WARS2: variants seen among roughly 807,000 people sequenced by gnomAD.
WARS2 encodes the protein tryptophanyl tRNA synthetase 2, mitochondrial, also known as tryptophan--tRNA ligase, mitochondrial.
Under a neutral mutation model 36.5 loss-of-function variants are expected in WARS2, and 28 were observed. The ratio of observed to expected loss-of-function variants is 0.77; its 90% confidence interval spans 0.57 to 1.05. WARS2 has a LOEUF of 1.05. WARS2 is among the 50% of genes least tolerant of loss of function. The pLI is 0.00. For synonymous variants in WARS2, 174 were observed against 178.4 expected (o/e 0.98, Z 0.20); for missense variants, 435 against 456.8 (o/e 0.95, Z 0.44).
intron 2 of WARS2, among the ~76,000 whole-genome samples, chr1:119,071,197 G>T (rs1272522342): frequency 6.6e-6 from 1 of 152,134 alleles, no homozygotes; most frequent in Non-Finnish European, 1.5e-5. Flanking sequence ...GATAATATGT[G>T]TTGGCAAAGA....
chr1:119,086,029 T>C, intron 1 of WARS2: 1 of 1,495,672 alleles, frequency 6.7e-7, no homozygotes, highest in South Asian at 1.2e-5. Context: ...TGGCTAATTT[T>C]TTAAATTTCT....
intron 2 of WARS2, among the ~76,000 whole-genome samples, chr1:119,073,252 T>C (rs1225575525): frequency 6.6e-6 from 1 of 152,060 alleles, no homozygotes; most frequent in Non-Finnish European, 1.5e-5. Context: ...CTCTCTATTG[T>C]TATAAATTTT....
At chr1:119,139,641 G>C (rs1250203638) in intron 1 of WARS2, 2 of 152,122 alleles carry the variant, frequency 1.3e-5, no homozygotes, top group African/African-American at 4.8e-5. Context: ...GTTACAATAG[G>C]TGCGACATCC....
chr1:119,036,104 T>C lies in WARS2; in HGVS notation c.516-1891A>G, dbSNP rs186156946. ...CTGTAATCCCAGGTACTCCGGAGGC[T>C]GAGGCAGAAGAATCTCTTGAACCCG... On this transcript the variant is annotated intron_variant, in intron 4 of 5. Coordinates refer to ENST00000235521, the MANE Select transcript of WARS2 (RefSeq NM_015836.4). Among the ~76,000 whole-genome samples the C allele has an allele frequency of 7.8e-3, 1,185 of 152,264 alleles. 13 individuals are homozygous for C. Among genetic ancestry groups the C allele is most frequent in the African/African-American group, 0.027 (1,127 of 41,554 alleles).
chr1:119,131,470 T>G (rs1557760536), intron 1 of WARS2, among the ~76,000 whole-genome samples: 3 of 150,100 alleles, frequency 2.0e-5, no homozygotes, highest in African/African-American at 4.9e-5. Flanking sequence ...TTTTTGTTTT[T>G]TTTTTTTTTG....
At chr1:119,098,935 C>T (rs917631461) in intron 1 of WARS2, among the ~76,000 whole-genome samples, 1 of 151,180 alleles carries the variant, frequency 6.6e-6, no homozygotes, top group East Asian at 2.0e-4. Context: ...CGTGGTTTCA[C>T]CATGTTTGCC....
intron 1 of WARS2, chr1:119,085,631 T>A (rs1652592259): frequency 1.4e-6 from 2 of 1,433,168 alleles, no homozygotes; most frequent in Non-Finnish European, 2.0e-6. Context: ...CATGATCCAC[T>A]CGGATAGTTC....
At chr1:119,083,646 T>A (rs771382621) in intron 1 of WARS2, among the ~76,000 whole-genome samples, 26 of 152,184 alleles carry the variant, frequency 1.7e-4, no homozygotes, top group Admixed American at 8.5e-4. Context: ...GTCATGACAC[T>A]TTGGCTCCCA....
Position 119,129,087 on chromosome 1 carries a change from A to C in WARS2, c.90+11468T>G, listed in dbSNP as rs587742825. Among the ~76,000 whole-genome samples the C allele has an allele frequency of 1.5e-3, 230 of 152,328 alleles. 5 individuals carry two copies. The highest frequency in any genetic ancestry group is 0.01 in the Middle Eastern group (3 of 294). On this transcript the variant is annotated intron_variant, in intron 1 of 5. Transcript: ENST00000235521. Reference sequence around the variant, plus strand: ...TATAACTGGTTCTGGATTTTACAAGATGTCTGGCCACTGTAGTCACAGACT... The same window carrying C: ...TATAACTGGTTCTGGATTTTACAAGCTGTCTGGCCACTGTAGTCACAGACT...
At chr1:119,042,166 A>T (rs1648424408) in intron 4 of WARS2, 98 bp downstream of exon 4, 2 of 1,071,658 alleles carry the variant, frequency 1.9e-6, no homozygotes, top group South Asian at 2.9e-5. Context: ...CGCTTTCTGC[A>T]CTTCCCCTTG....
intron 1 of WARS2, among the ~76,000 whole-genome samples, chr1:119,098,317 C>T: frequency 6.6e-6 from 1 of 152,166 alleles, no homozygotes; most frequent in Non-Finnish European, 1.5e-5. Context: ...ATAATAAGTG[C>T]TTAAAAGCTA....
At chr1:119,039,214 T>C (rs1484484397) in intron 4 of WARS2, among the ~76,000 whole-genome samples, 3 of 152,212 alleles carry the variant, frequency 2.0e-5, no homozygotes, top group Non-Finnish European at 4.4e-5. Flanking sequence ...TGGCAAATAA[T>C]TCTCAACACA....
intron 2 of WARS2, chr1:119,064,745 C>T (rs1206778991): frequency 6.5e-6 from 1 of 152,862 alleles, no homozygotes; most frequent in East Asian, 1.9e-4. Flanking sequence ...GAGGCCTCCC[C>T]ATGTAAAACT....
rs184494697 is a variant in WARS2, at chr1:119,108,370, T to G, written c.91-31763A>C. ...ATTGATTCAATTGATTTAACAGATTTAGACCCATTCAGATTGTCTATTTCT... is the reference window on the plus strand; with the variant it reads ...ATTGATTCAATTGATTTAACAGATTGAGACCCATTCAGATTGTCTATTTCT... On this transcript the variant is annotated intron_variant, in intron 1 of 5. Coordinates refer to ENST00000235521, the MANE Select transcript of WARS2 (RefSeq NM_015836.4). 8.9e-3 allele frequency among the ~76,000 whole-genome samples: 1,350 copies of G among 152,148 alleles called. 17 individuals are homozygous for G. Among genetic ancestry groups the G allele is most frequent in the African/African-American group, 0.031 (1,291 of 41,574 alleles).
chr1:119,039,458 T>C (rs895423810), intron 4 of WARS2, among the ~76,000 whole-genome samples: 11 of 151,950 alleles, frequency 7.2e-5, no homozygotes, highest in South Asian at 2.1e-4. Flanking sequence ...GAGAGACATA[T>C]ACACAGAGAG....
intron 5 of WARS2, 43 bp from the exon 6 acceptor site, chr1:119,033,402 A>G (rs1190795680): frequency 6.2e-7 from 1 of 1,607,492 alleles, no homozygotes; most frequent in Admixed American, 1.7e-5. Flanking sequence ...AAACAAAAAC[A>G]AAACAAACAG....
At chr1:119,121,561 G>GA (rs969630132) in intron 1 of WARS2, among the ~76,000 whole-genome samples, 12 of 149,982 alleles carry the variant, frequency 8.0e-5, no homozygotes, top group African/African-American at 9.8e-5. Flanking sequence ...TCATATGTAA[G>GA]AAAAAAAAAG....
intron 2 of WARS2, among the ~76,000 whole-genome samples, chr1:119,070,615 C>CT (rs1316553108): frequency 6.6e-6 from 1 of 151,618 alleles, no homozygotes; most frequent in African/African-American, 2.4e-5. Context: ...AGGTGGCTCA[C>CT]ACCTGTACTC....
intron 1 of WARS2, among the ~76,000 whole-genome samples, chr1:119,138,667 C>G (rs887052034): frequency 2.6e-5 from 4 of 152,100 alleles, no homozygotes; most frequent in African/African-American, 9.7e-5. Flanking sequence ...AATTTTGTAT[C>G]TTTTCTCAGT....
Sources: allele counts gnomAD v4.1 joint callset (sites outside exome capture counted in the v4.1 genomes callset), GRCh38; gene constraint gnomAD v4.1.1; transcripts MANE v1.5; gene names NCBI Gene and HGNC (gene_info 2026-07-23, HGNC 2026-07-21).